Variants in STX1B observed in about 807,000 individuals in gnomAD.
STX1B encodes syntaxin 1B, also known as syntaxin-1B.
STX1B carries 7 observed loss-of-function variants against 39.4 expected under a neutral mutation model. The ratio of observed to expected loss-of-function variants is 0.18; its 90% CI spans 0.10 to 0.33. STX1B has a LOEUF of 0.33. Ranked by LOEUF, STX1B falls within the 10% of genes least tolerant of loss-of-function variation. STX1B has a pLI of 1.00. For synonymous variants in STX1B, 136 were observed against 144.1 expected, an observed-to-expected ratio of 0.94 and a Z score of 0.40; for missense variants, 198 against 383.2, an observed-to-expected ratio of 0.52 and a Z score of 4.04.
chr16:30,997,627 G>T, intron 4 of STX1B, 52 bp from the exon 5 acceptor site: 1 of 1,529,754 alleles, frequency 6.5e-7, no homozygotes, highest in Non-Finnish European at 8.9e-7. Context: ...CACATGGGGC[G>T]AGGGTCCGGG....
chr16:31,004,814 C>T lies in STX1B; in HGVS notation c.31-3211G>A, dbSNP rs114875569. Among the ~76,000 whole-genome samples the T allele has an allele frequency of 8.9e-3, 1,347 of 152,174 alleles. 14 individuals carry two copies. Among genetic ancestry groups the T allele is most frequent in the African/African-American group, 0.031 (1,284 of 41,534 alleles). ...TGATTCCATGTTACAGACAAGGAAA[C>T]AGGCTCAGAGAGGTTGCCTGACCTG... On this transcript the variant is annotated intron_variant, in intron 1 of 9. Coordinates refer to ENST00000215095, the MANE Select transcript of STX1B (RefSeq NM_052874.5).
At chr16:31,007,677 C>T (rs1355063591) in intron 1 of STX1B, among the ~76,000 whole-genome samples, 1 of 152,148 alleles carries the variant, frequency 6.6e-6, no homozygotes, top group Non-Finnish European at 1.5e-5. Context: ...CCCTCTGGCC[C>T]TCAATGTACT....
chr16:30,993,565 T>C, intron 7 of STX1B, 81 bp from the exon 8 acceptor site: 3 of 1,527,832 alleles, frequency 2.0e-6, no homozygotes, highest in Non-Finnish European at 2.7e-6. Context: ...CAGGGTCAAA[T>C]CCGGTGTCAT....
At chr16:31,008,200 C>T (rs1482400291) in intron 1 of STX1B, among the ~76,000 whole-genome samples, 2 of 151,998 alleles carry the variant, frequency 1.3e-5, no homozygotes, top group African/African-American at 4.8e-5. Context: ...GCAGGGAGAC[C>T]CTTACGCTAC....
chr16:31,010,251 ACCAAC>A lies in STX1B; in HGVS notation c.30+111_30+115del, dbSNP rs2056674177. The A allele has an allele frequency of 3.8e-6, 3 of 790,910 alleles. No homozygotes were observed. The African/African-American group carries it at 5.4e-5, about 14-fold the overall frequency. The allele number at this position is 790,910 out of a possible 1,614,324, so 49.0% of individuals were successfully genotyped here. A position where few individuals can be genotyped will look rare whatever the true frequency, so the allele number is the denominator to read the frequency against. ...CTGAAGATACTGGGGTGCTCCGGCTACCAACCTCCGATCTCATCCTTCGCCCCCAC... is the reference window on the plus strand; with the variant it reads ...CTGAAGATACTGGGGTGCTCCGGCTACTCCGATCTCATCCTTCGCCCCCAC... On this transcript the variant is annotated intron_variant, in intron 1 of 9. Transcript: ENST00000215095.
chr16:30,997,438 C>T (rs935095705), intron 5 of STX1B, 64 bp downstream of exon 5: 11 of 1,455,914 alleles, frequency 7.6e-6, no homozygotes, highest in Non-Finnish European at 1.0e-5. Context: ...GCCCGCCGGC[C>T]TCCAGCCTGG....
chr16:31,004,575 G>A (rs2056646831), intron 1 of STX1B, among the ~76,000 whole-genome samples: 1 of 152,042 alleles, frequency 6.6e-6, no homozygotes. Context: ...TTGGGAGGGT[G>A]AGGTAGGAGG....
intron 7 of STX1B, 97 bp downstream of exon 7, chr16:30,996,585 AT>A: frequency 8.8e-6 from 10 of 1,141,642 alleles, no homozygotes; most frequent in Non-Finnish European, 1.0e-5. Context: ...CCCGCTGCTC[AT>A]TTTTCCAGGG....
intron 7 of STX1B, chr16:30,996,209 T>A (rs1345489023): frequency 6.6e-6 from 1 of 152,320 alleles, no homozygotes; most frequent in African/African-American, 2.4e-5. Context: ...TTTTTTTTAA[T>A]TAAAAAAAAT....
intron 8 of STX1B, 51 bp from the exon 9 acceptor site, chr16:30,993,291 A>G: frequency 6.2e-7 from 1 of 1,613,422 alleles, no homozygotes; most frequent in Non-Finnish European, 8.5e-7. Context: ...GGGCTGGAAG[A>G]GGGGACCTCA....
Position 31,004,127 on chromosome 16 carries a change from A to G in STX1B, c.31-2524T>C, listed in dbSNP as rs147802125. 2.4e-4 allele frequency among the ~76,000 whole-genome samples: 36 copies of G among 152,360 alleles called. No homozygotes were observed. The East Asian group carries it at 5.0e-3, about 21-fold the overall frequency. On this transcript the variant is annotated intron_variant, in intron 1 of 9. Transcript: ENST00000215095. ...AGGCTCTGTGTCCGGACAACCTAGCAAAACAAGAGCACTTGATGGTATTTT... is the reference window on the plus strand; with the variant it reads ...AGGCTCTGTGTCCGGACAACCTAGCGAAACAAGAGCACTTGATGGTATTTT...
intron 1 of STX1B, among the ~76,000 whole-genome samples, chr16:31,008,376 C>T (rs1028842914): frequency 6.6e-6 from 1 of 152,060 alleles, no homozygotes; most frequent in Non-Finnish European, 1.5e-5. Flanking sequence ...GCAGGGGCCC[C>T]TGACTCATTC....
At chr16:30,992,987 G>A (rs1019175015) in intron 9 of STX1B, 86 bp from the exon 10 acceptor site, 380 of 1,355,966 alleles carry the variant, frequency 2.8e-4, no homozygotes, top group Non-Finnish European at 3.8e-4. Flanking sequence ...GCAGAGGGTG[G>A]CAGGGAGAAG....
rs767717161 is a variant in STX1B at position 30,992,642 on chromosome 16, G to GGA, written c.*178_*179insTC. ...CCTGCTGCGATCTACGTGCGGGGAC[G>GGA]GGGGGGGGGTCCATGGCCCGGTGAG... On this transcript the variant is annotated 3_prime_UTR_variant, in exon 10 of 10. Transcript: ENST00000215095. 2.9e-4 allele frequency: 4 copies of GGA among 13,702 alleles called. No homozygotes were observed. Among genetic ancestry groups the GGA allele is most frequent in the Non-Finnish European group, 5.4e-4 (4 of 7,424 alleles). 0.8% of individuals were successfully genotyped at this position (13,702 alleles called of 1,614,324 possible). A position where few individuals can be genotyped will look rare whatever the true frequency, so the allele number is the denominator to read the frequency against.
chr16:30,992,110 C>CACAT lies in STX1B; in HGVS notation c.*710_*711insATGT, dbSNP rs2056562764. ...TCCTGGACACACACACACACACACA[C>CACAT]ACACACATGCACACCCTCCTGGGAC... On this transcript the variant is annotated 3_prime_UTR_variant, in exon 10 of 10. Coordinates refer to ENST00000215095, the MANE Select transcript of STX1B (RefSeq NM_052874.5). The CACAT allele has an allele frequency of 6.6e-6, 1 of 152,020 alleles. No individual in the cohort carries two copies. The highest frequency in any genetic ancestry group is 2.1e-4 in the South Asian group (1 of 4,824). The allele number at this position is 152,020 out of a possible 1,614,324, so 9.4% of individuals were successfully genotyped here. A position where few individuals can be genotyped will look rare whatever the true frequency, so the allele number is the denominator to read the frequency against.
At chr16:30,998,638 G>A (rs2056608137) in intron 4 of STX1B, among the ~76,000 whole-genome samples, 1 of 152,210 alleles carries the variant, frequency 6.6e-6, no homozygotes, top group Non-Finnish European at 1.5e-5. Flanking sequence ...ACTCACTCAA[G>A]GTCACACCCA....
At chr16:31,008,285 A>G (rs1440855800) in intron 1 of STX1B, among the ~76,000 whole-genome samples, 2 of 133,222 alleles carry the variant, frequency 1.5e-5, no homozygotes, top group Non-Finnish European at 3.1e-5. Context: ...GACTAATACC[A>G]AAGCCACCAC....
Position 30,997,660 on chromosome 16 carries a change from G to A in STX1B, c.281-85C>T, listed in dbSNP as rs1171310814. Reference sequence around the variant, plus strand: ...GGGGCGTACGAATGGTCAACACCCCGCGGCAGCGCCAGGCCCGGGGAGAAA... The same window carrying A: ...GGGGCGTACGAATGGTCAACACCCCACGGCAGCGCCAGGCCCGGGGAGAAA... On this transcript the variant is annotated intron_variant, in intron 4 of 9. Transcript: ENST00000215095. 2.1e-5 allele frequency: 27 copies of A among 1,314,464 alleles called. No homozygotes were observed. In the South Asian group the frequency reaches 3.4e-4, roughly 16 times the overall value. The allele number at this position is 1,314,464 out of a possible 1,614,324, so 81.4% of individuals were successfully genotyped here. A position where few individuals can be genotyped will look rare whatever the true frequency, so the allele number is the denominator to read the frequency against.
At chr16:31,008,395 T>TCC (rs1350341642) in intron 1 of STX1B, among the ~76,000 whole-genome samples, 1 of 151,592 alleles carries the variant, frequency 6.6e-6, no homozygotes, top group Non-Finnish European at 1.5e-5. Flanking sequence ...TCATGAGGCC[T>TCC]CCCCCTCCCC....
Sources: gnomAD v4.1 joint callset for allele counts (sites outside exome capture counted in the v4.1 genomes callset) on GRCh38, gnomAD v4.1.1 for gene constraint, MANE v1.5 for transcripts, NCBI Gene and HGNC (gene_info 2026-07-23, HGNC 2026-07-21) for gene names.